CDH9: variants seen among roughly 807,000 people sequenced by gnomAD.
CDH9 encodes cadherin 9.
In CDH9, 28 loss-of-function variants were observed where a neutral mutation model predicts 70.9. That is an observed-to-expected ratio of 0.40 (90% CI 0.29 to 0.54). The LOEUF is 0.54. Ranked by LOEUF, CDH9 falls within the 20% of genes least tolerant of loss-of-function variation. The pLI is 0.59. For missense variants in CDH9, 874 were observed against 984.4 expected (o/e 0.89, Z 1.50); for synonymous variants, 409 against 343.1 (o/e 1.19, Z -2.12).
chr5:26,993,698 C>CA (rs34545141), intron 1 of CDH9, among the ~76,000 whole-genome samples: 4,572 of 50,780 alleles, frequency 0.09, 731 homozygotes, highest in Middle Eastern at 0.16. Flanking sequence ...TATTCAGCTG[C>CA]AAAAAAAAAA....
chr5:26,883,041 T>TTAGATAGATATA, intron 11 of CDH9, among the ~76,000 whole-genome samples: 1 of 58,024 alleles, frequency 1.7e-5, no homozygotes, highest in East Asian at 5.3e-4. Flanking sequence ...CAGGATCATC[T>TTAGATAGATATA]TATATATATA....
chr5:26,911,359 T>C (rs980736665), intron 3 of CDH9, among the ~76,000 whole-genome samples: 2 of 152,164 alleles, frequency 1.3e-5, no homozygotes, highest in Non-Finnish European at 2.9e-5. Flanking sequence ...CCTATCTCTC[T>C]GGTGTTAGAA....
At chr5:26,957,663 A>T (rs1220122956) in intron 2 of CDH9, among the ~76,000 whole-genome samples, 1 of 152,172 alleles carries the variant, frequency 6.6e-6, no homozygotes, top group Non-Finnish European at 1.5e-5. Flanking sequence ...GGTCTCAAAA[A>T]AAAAAATCTT....
At chr5:26,982,839 C>T (rs1229041851) in intron 2 of CDH9, among the ~76,000 whole-genome samples, 2 of 151,946 alleles carry the variant, frequency 1.3e-5, no homozygotes, top group Non-Finnish European at 2.9e-5. Flanking sequence ...CCTGCCACCA[C>T]ACCTGGATAA....
intron 2 of CDH9, among the ~76,000 whole-genome samples, chr5:26,949,466 C>A (rs1157301244): frequency 6.6e-6 from 1 of 152,198 alleles, no homozygotes; most frequent in African/African-American, 2.4e-5. Flanking sequence ...ACAAATTAAA[C>A]CATGAGCATG....
chr5:26,884,366 T>C (rs1561181688), intron 11 of CDH9, among the ~76,000 whole-genome samples: 1 of 152,204 alleles, frequency 6.6e-6, no homozygotes, highest in Non-Finnish European at 1.5e-5. Flanking sequence ...TAAACATATT[T>C]ACATGTTGTT....
At chr5:26,907,008 A>G (rs569941903) in intron 3 of CDH9, among the ~76,000 whole-genome samples, 170 bp from the exon 4 acceptor site, 104 of 152,300 alleles carry the variant, frequency 6.8e-4, no homozygotes, top group Non-Finnish European at 1.5e-4. Flanking sequence ...CTCATTTTCT[A>G]TAAACTGAAG....
At chr5:26,924,553 T>A (rs1251164275) in intron 2 of CDH9, among the ~76,000 whole-genome samples, 1 of 123,262 alleles carries the variant, frequency 8.1e-6, no homozygotes, top group Non-Finnish European at 1.7e-5. Context: ...ATAAGTATTT[T>A]ATATATATGT....
intron 7 of CDH9, chr5:26,890,929 A>G (rs1450430454): frequency 1.2e-5 from 2 of 167,936 alleles, no homozygotes; most frequent in Non-Finnish European, 2.6e-5. Flanking sequence ...AATAGTAATG[A>G]ATAAATCGAA....
At chr5:27,012,920 C>T (rs1742983519) in intron 1 of CDH9, among the ~76,000 whole-genome samples, 1 of 151,754 alleles carries the variant, frequency 6.6e-6, no homozygotes, top group Admixed American at 6.6e-5. Context: ...TTGTTTGAAC[C>T]ATTATTATTA....
intron 3 of CDH9, among the ~76,000 whole-genome samples, chr5:26,914,584 A>G (rs535764335): frequency 2.0e-5 from 3 of 152,150 alleles, no homozygotes; most frequent in African/African-American, 7.2e-5. Flanking sequence ...CCTCAATTAG[A>G]TGACATTTCA....
In CDH9 at chr5:26,881,107, A is replaced by C. The variant is rs1740452497; in HGVS notation, c.*29T>G. On this transcript the variant is annotated 3_prime_UTR_variant, in exon 12 of 12. Transcript: ENST00000231021. ...ATCTAATAACATAGACAGTACTTCCACTAATATTGATTAAGTCAAACAATC... is the reference window on the plus strand; with the variant it reads ...ATCTAATAACATAGACAGTACTTCCCCTAATATTGATTAAGTCAAACAATC... The C allele has an allele frequency of 1.9e-6, 3 of 1,558,852 alleles. No individual in the cohort carries two copies. The highest frequency in any genetic ancestry group is 2.6e-6 in the Non-Finnish European group (3 of 1,151,580).
At chr5:26,988,986 T>C (rs893274539) in intron 1 of CDH9, among the ~76,000 whole-genome samples, 1 of 151,990 alleles carries the variant, frequency 6.6e-6, no homozygotes, top group Non-Finnish European at 1.5e-5. Flanking sequence ...ACTATTTTTT[T>C]CCAACAATTA....
intron 1 of CDH9, among the ~76,000 whole-genome samples, chr5:27,015,199 C>A (rs946251752): frequency 1.3e-5 from 2 of 151,698 alleles, no homozygotes; most frequent in African/African-American, 2.4e-5. Context: ...ATTCCTGTTA[C>A]AAAATCACGG....
Position 26,987,989 on chromosome 5 carries a change from T to A in CDH9, c.228+117A>T, listed in dbSNP as rs554841567. 70 of 717,314 alleles carry A rather than the reference T, an allele frequency of 9.8e-5. No homozygotes were observed. The South Asian group carries it at 1.3e-3, about 14-fold the overall frequency. The allele number at this position is 717,314 out of a possible 1,614,324, so 44.4% of individuals were successfully genotyped here. On this transcript the variant is annotated intron_variant, in intron 2 of 11. Transcript: ENST00000231021. ...CTAAAATAGTTTGCAATATCACACC[T>A]TCAGAACATAATTAGTTAAATATTT...
chr5:26,915,732 G>C lies in CDH9; in HGVS notation c.421C>G (p.Pro141Ala), dbSNP rs1342064758. ...IDRKTGRQVE[P>A]ESEFIIKIHD... ...ATTTTAATGATAAATTCCGATTCCG[G>C]TTCCACCTGCCGCCCAGTTTTTCTG... The change falls in exon 3 of 12, where the codon CCG becomes GCG. Residue 141 changes from proline to alanine, a missense_variant. Physicochemically the swap from Pro to Ala is conservative, Grantham distance 27. Coordinates refer to ENST00000231021, the MANE Select transcript of CDH9 (RefSeq NM_016279.4). 1 of 1,613,398 alleles carries C rather than the reference G, an allele frequency of 6.2e-7. No individual in the cohort carries two copies. Among genetic ancestry groups the C allele is most frequent in the Non-Finnish European group, 8.5e-7 (1 of 1,179,446 alleles).
At chr5:26,992,086 C>T (rs1212998991) in intron 1 of CDH9, among the ~76,000 whole-genome samples, 1 of 152,094 alleles carries the variant, frequency 6.6e-6, no homozygotes, top group Non-Finnish European at 1.5e-5. Flanking sequence ...TCATAAGCAG[C>T]ACGCAACCTA....
At position 26,910,003 on chromosome 5, in the gene CDH9, C is replaced by T. The variant is rs138773005; in HGVS notation, c.524-3165G>A. On this transcript the variant is annotated intron_variant, in intron 3 of 11. Transcript: ENST00000231021. ...GATTACACAATGTAACCAAGTTATG[C>T]CAGTTGGTCTTACATATATATTTAC... Among the ~76,000 whole-genome samples, 477 of 151,730 alleles carry T rather than the reference C, an allele frequency of 3.1e-3. 1 individual carries two copies. Among genetic ancestry groups the T allele is most frequent in the African/African-American group, 0.011 (461 of 41,416 alleles).
intron 1 of CDH9, among the ~76,000 whole-genome samples, chr5:26,997,002 C>T (rs1049715344): frequency 9.2e-5 from 14 of 151,946 alleles, no homozygotes; most frequent in East Asian, 5.8e-4. Context: ...TAGTTTCATG[C>T]CTTCCCTAAG....
Sources: allele counts gnomAD v4.1 joint callset (sites outside exome capture counted in the v4.1 genomes callset), GRCh38; gene constraint gnomAD v4.1.1; transcripts MANE v1.5; gene names NCBI Gene and HGNC (gene_info 2026-07-23, HGNC 2026-07-21).